Variants in HOXB3 observed in about 807,000 individuals in gnomAD.
The protein encoded by HOXB3 is homeobox B3, also known as homeobox protein Hox-B3.
Under a neutral mutation model 29.2 loss-of-function variants are expected in HOXB3, and 17 were observed. The ratio of observed to expected loss-of-function variants is 0.58; its 90% CI spans 0.40 to 0.87. The LOEUF (loss-of-function observed/expected upper bound fraction) is 0.87. HOXB3 is among the 40% of genes least tolerant of loss of function. The probability of loss-of-function intolerance (pLI) is 0.00; values close to 1 mark genes in which losing one functional copy is unlikely to be tolerated. For missense variants in HOXB3, 637 were observed against 616.3 expected, an observed-to-expected ratio of 1.03 and a Z score of -0.35; for synonymous variants, 317 against 285.9, an observed-to-expected ratio of 1.11 and a Z score of -1.10.
At chr17:48,564,249 G>A (rs1165034178) in intron 2 of HOXB3, among the ~76,000 whole-genome samples, 3 of 151,692 alleles carry the variant, frequency 2.0e-5, no homozygotes, top group Admixed American at 1.3e-4. Flanking sequence ...GGCAACGGCG[G>A]GCGGCCGGGC....
intron 2 of HOXB3, among the ~76,000 whole-genome samples, chr17:48,561,057 G>A (rs955991678): frequency 6.6e-6 from 1 of 152,186 alleles, no homozygotes; most frequent in Non-Finnish European, 1.5e-5. Context: ...GCGCATGCCT[G>A]TAGTCCCAGC....
At chr17:48,573,578 GGGTT>G (rs2144865413) in intron 2 of HOXB3, among the ~76,000 whole-genome samples, 1 of 152,218 alleles carries the variant, frequency 6.6e-6, no homozygotes, top group African/African-American at 2.4e-5. Flanking sequence ...GTCTTCTCTG[GGGTT>G]TTTCATGGGC....
At position 48,551,068 on chromosome 17, in the gene HOXB3, ACGC is replaced by A; in HGVS notation, c.559_561del (p.Ala187del). On this transcript the variant is annotated inframe_deletion, in exon 5 of 5. Coordinates refer to ENST00000498678, the MANE Select transcript of HOXB3 (RefSeq NM_001384749.1). ...GTGTACGCCGTCCGCGCCCGCTTGG[ACGC>A]CGCCGACCCCGGGGGGCTCTTGTCC... 1 of 1,548,596 alleles carries A rather than the reference ACGC, an allele frequency of 6.5e-7. No individual in the cohort carries two copies. The highest frequency in any genetic ancestry group is 8.7e-7 in the Non-Finnish European group (1 of 1,143,188).
intron 1 of HOXB3, among the ~76,000 whole-genome samples, chr17:48,583,338 C>A (rs1397966995): frequency 1.3e-5 from 2 of 152,180 alleles, no homozygotes; most frequent in African/African-American, 4.8e-5. Context: ...TTTGCCTACC[C>A]CCATCACCCA....
At chr17:48,584,981 T>C (rs2070019538) in intron 1 of HOXB3, among the ~76,000 whole-genome samples, 1 of 128,968 alleles carries the variant, frequency 7.8e-6, no homozygotes, top group Admixed American at 9.4e-5. Context: ...TGGTGTAAAC[T>C]TTTGACCCTC....
chr17:48,578,223 G>A lies in HOXB3; in HGVS notation c.-424-4209C>T, dbSNP rs745627779. 19 of 1,613,980 alleles carry A rather than the reference G, an allele frequency of 1.2e-5. No homozygotes were observed. In the South Asian group the frequency reaches 1.6e-4, roughly 14 times the overall value. On this transcript the variant is annotated intron_variant, in intron 1 of 4. Coordinates refer to ENST00000498678, the MANE Select transcript of HOXB3 (RefSeq NM_001384749.1). ...CCGCCGGCGTAGTACCCGGGCGAGT[G>A]GTCGCTGGGTAGGTAATCGCTCTGT...
intron 4 of HOXB3, among the ~76,000 whole-genome samples, chr17:48,551,436 T>G (rs879479037): frequency 2.0e-5 from 3 of 152,158 alleles, no homozygotes; most frequent in Non-Finnish European, 2.9e-5. Context: ...GAAAATTTGA[T>G]CATGTCACGC....
intron 1 of HOXB3, among the ~76,000 whole-genome samples, chr17:48,583,297 G>C (rs551229417): frequency 6.6e-6 from 1 of 152,134 alleles, no homozygotes; most frequent in East Asian, 1.9e-4. Flanking sequence ...CCCTCCCCCC[G>C]AAGAATCGTT....
Position 48,551,049 on chromosome 17 carries a change from G to A in HOXB3, c.581C>T (p.Ala194Val). 2 of 1,593,072 alleles carry A rather than the reference G, an allele frequency of 1.3e-6. No individual in the cohort carries two copies. Among genetic ancestry groups the A allele is most frequent in the East Asian group, 2.3e-5 (1 of 43,322 alleles). ...CTCCACCAGCTGCGCGCTCGTGTAC[G>A]CCGTCCGCGCCCGCTTGGACGCCGC... Reference protein sequence around the residue: ...GSAASKRARTAYTSAQLVELE... With the variant: ...GSAASKRARTVYTSAQLVELE... The change falls in exon 5 of 5, where the codon GCG becomes GTG. Residue 194 changes from alanine to valine, a missense_variant. Ala to Val is a moderately conservative substitution (Grantham distance 64). Coordinates refer to ENST00000498678, the MANE Select transcript of HOXB3 (RefSeq NM_001384749.1).
chr17:48,582,619 C>A (rs958584816), intron 1 of HOXB3: 1 of 152,212 alleles, frequency 6.6e-6, no homozygotes, highest in Admixed American at 6.5e-5. Flanking sequence ...CAGGCAGTTA[C>A]TATAATATGC....
intron 1 of HOXB3, chr17:48,579,205 CAG>C (rs2069871399): frequency 1.3e-5 from 2 of 152,298 alleles, no homozygotes; most frequent in Admixed American, 1.3e-4. Context: ...ACACTATAGA[CAG>C]AGCGCTGGGG....
At chr17:48,562,832 A>G (rs1292711497) in intron 2 of HOXB3, among the ~76,000 whole-genome samples, 2 of 152,164 alleles carry the variant, frequency 1.3e-5, no homozygotes, top group African/African-American at 4.8e-5. Flanking sequence ...CTGGACAGAA[A>G]TGCAAGAGCC....
At chr17:48,567,640 G>A (rs73985872) in intron 2 of HOXB3, among the ~76,000 whole-genome samples, 4,500 of 152,174 alleles carry the variant, frequency 0.03, 220 homozygotes, top group African/African-American at 0.1. Context: ...TCTGCACCCC[G>A]TTTGCTCCCT....
intron 2 of HOXB3, among the ~76,000 whole-genome samples, chr17:48,559,391 A>G (rs1054651804): frequency 2.6e-5 from 4 of 152,212 alleles, no homozygotes; most frequent in Admixed American, 2.0e-4. Context: ...TCCACACAAA[A>G]TTTGCCTGGC....
At chr17:48,560,629 T>C (rs73985868) in intron 2 of HOXB3, among the ~76,000 whole-genome samples, 1 of 152,132 alleles carries the variant, frequency 6.6e-6, no homozygotes, top group African/African-American at 2.4e-5. Context: ...TGCAAGAAAT[T>C]TCCTTGCTCA....
At chr17:48,568,571 A>T (rs1280770264) in intron 2 of HOXB3, among the ~76,000 whole-genome samples, 2 of 152,126 alleles carry the variant, frequency 1.3e-5, no homozygotes, top group African/African-American at 4.8e-5. Context: ...TTTCCGTGAA[A>T]AATGATTTAT....
At chr17:48,574,092 C>A in intron 1 of HOXB3, 78 bp from the exon 2 acceptor site, 1 of 556,706 alleles carries the variant, frequency 1.8e-6, no homozygotes, top group Non-Finnish European at 3.2e-6. Flanking sequence ...ATAATTCTCA[C>A]ATTTTTCTTA....
chr17:48,551,882 G>T, intron 4 of HOXB3, 145 bp downstream of exon 4: 1 of 740,982 alleles, frequency 1.3e-6, no homozygotes, highest in Non-Finnish European at 2.3e-6. Context: ...GTCATTAGGG[G>T]GTAGGGGTAT....
At chr17:48,559,907 G>A (rs1214961296) in intron 2 of HOXB3, 1 of 152,408 alleles carries the variant, frequency 6.6e-6, no homozygotes, top group African/African-American at 2.4e-5. Context: ...AAGGGTCTGC[G>A]AAGTCCACTC....
Sources: gnomAD v4.1 joint callset for allele counts (sites outside exome capture counted in the v4.1 genomes callset) on GRCh38, gnomAD v4.1.1 for gene constraint, MANE v1.5 for transcripts, NCBI Gene and HGNC (gene_info 2026-07-23, HGNC 2026-07-21) for gene names.